The following PCDH15 variants were observed in gnomAD, a reference collection of about 807,000 sequenced individuals.
The protein encoded by PCDH15 is protocadherin related 15.
In PCDH15, 129 loss-of-function variants were observed where a neutral mutation model predicts 178.5. The observed-to-expected ratio is 0.72, with a 90% confidence interval of 0.63 to 0.84. PCDH15 has a LOEUF of 0.84. Among genes scored for constraint, PCDH15 ranks in the 40% least tolerant of loss-of-function variants. The pLI is 0.00. For missense variants in PCDH15, 2,230 were observed against 2,099.9 expected (o/e 1.06, Z -1.21); for synonymous variants, 800 against 732.0 (o/e 1.09, Z -1.50).
chr10:55,026,278 G>T (rs1395578954), intron 2 of PCDH15, among the ~76,000 whole-genome samples: 1 of 151,898 alleles, frequency 6.6e-6, no homozygotes, highest in Non-Finnish European at 1.5e-5. Context: ...ATGACATTAG[G>T]TACCAATATT....
chr10:55,029,947 C>T (rs1471914134), intron 2 of PCDH15, among the ~76,000 whole-genome samples: 4 of 152,052 alleles, frequency 2.6e-5, no homozygotes. Flanking sequence ...AGAGTGATGA[C>T]GTGGTCCCAC....
intron 20 of PCDH15, among the ~76,000 whole-genome samples, chr10:54,014,484 A>G (rs2092683375): frequency 1.3e-5 from 2 of 152,194 alleles, no homozygotes; most frequent in South Asian, 4.1e-4. Flanking sequence ...CTTCAGGCCA[A>G]TATCTTTGAT....
intron 2 of PCDH15, among the ~76,000 whole-genome samples, chr10:54,572,778 C>T (rs866955485): frequency 6.6e-6 from 1 of 151,652 alleles, no homozygotes; most frequent in Middle Eastern, 3.4e-3. Context: ...TTGAAAATTC[C>T]CAAGGAAGAA....
chr10:55,542,240 C>A (rs559590012), intron 2 of PCDH15, among the ~76,000 whole-genome samples: 1 of 150,342 alleles, frequency 6.7e-6, no homozygotes, highest in African/African-American at 2.4e-5. Context: ...ACAGTATATG[C>A]CTGTATGTGT....
intron 3 of PCDH15, among the ~76,000 whole-genome samples, chr10:54,464,697 A>G (rs990610234): frequency 1.3e-5 from 2 of 152,194 alleles, no homozygotes; most frequent in African/African-American, 2.4e-5. Flanking sequence ...AGCCTCTTAA[A>G]CAGTGCTCCA....
intron 1 of PCDH15, among the ~76,000 whole-genome samples, chr10:54,681,892 T>C (rs2094907478): frequency 6.6e-6 from 1 of 152,230 alleles, no homozygotes; most frequent in East Asian, 1.9e-4. Context: ...GAAAAGTCCT[T>C]TCTTAGGTTG....
Position 55,301,268 on chromosome 10 carries a change from G to T in PCDH15, c.-156+18331C>A, listed in dbSNP as rs35392791. On this transcript the variant is annotated intron_variant, in intron 1 of 5. Transcript: ENST00000458638. ...TTTCTCTGAATCCTTCCCAGTGTTT[G>T]CTGTTATAATTGTTACTTATTGTAT... Among the ~76,000 whole-genome samples, 1,427 of 152,176 alleles carry T rather than the reference G, an allele frequency of 9.4e-3. 13 individuals carry two copies. The highest frequency in any genetic ancestry group is 0.011 in the Non-Finnish European group (715 of 67,966).
At chr10:54,720,008 C>A (rs979180080) in intron 1 of PCDH15, among the ~76,000 whole-genome samples, 1 of 151,828 alleles carries the variant, frequency 6.6e-6, no homozygotes, top group Non-Finnish European at 1.5e-5. Context: ...CATCTCACAC[C>A]AGTCAGAGTG....
At chr10:55,194,587 C>A (rs907639544) in intron 1 of PCDH15, among the ~76,000 whole-genome samples, 1 of 152,008 alleles carries the variant, frequency 6.6e-6, no homozygotes, top group Non-Finnish European at 1.5e-5. Context: ...AGCAAGGATA[C>A]TTGCTCTTTC....
intron 2 of PCDH15, among the ~76,000 whole-genome samples, chr10:55,611,489 AG>A: frequency 6.6e-6 from 1 of 152,228 alleles, no homozygotes; most frequent in African/African-American, 2.4e-5. Flanking sequence ...GCTATTACAA[AG>A]AAAAATGAAA....
intron 15 of PCDH15, among the ~76,000 whole-genome samples, chr10:54,093,610 T>TA (rs1237153443): frequency 6.6e-6 from 1 of 152,186 alleles, no homozygotes; most frequent in Non-Finnish European, 1.5e-5. Flanking sequence ...CAGCAATATT[T>TA]AAATGTTTTC....
chr10:54,804,298 C>A (rs2133720449), upstream of PCDH15, among the ~76,000 whole-genome samples: 1 of 152,320 alleles, frequency 6.6e-6, no homozygotes, highest in South Asian at 2.1e-4. Flanking sequence ...CTCGGCCTCC[C>A]AAAGTGCTGG....
intron 2 of PCDH15, among the ~76,000 whole-genome samples, chr10:55,346,606 A>G (rs1475630226): frequency 6.6e-6 from 1 of 152,154 alleles, no homozygotes; most frequent in East Asian, 1.9e-4. Context: ...TGAATGCAAA[A>G]AGCAAAACAA....
intron 2 of PCDH15, among the ~76,000 whole-genome samples, chr10:55,010,219 T>C (rs1840019141): frequency 6.6e-6 from 1 of 151,972 alleles, no homozygotes; most frequent in Non-Finnish European, 1.5e-5. Flanking sequence ...AAATAATAAA[T>C]AAATAAATAA....
At chr10:55,147,560 A>G (rs1838557309) in intron 2 of PCDH15, among the ~76,000 whole-genome samples, 1 of 151,240 alleles carries the variant, frequency 6.6e-6, no homozygotes, top group South Asian at 2.1e-4. Flanking sequence ...GGTTCAAATA[A>G]GTTCATATAT....
intron 2 of PCDH15, among the ~76,000 whole-genome samples, chr10:55,038,539 AT>A (rs2131974206): frequency 6.6e-6 from 1 of 152,356 alleles, no homozygotes; most frequent in East Asian, 1.9e-4. Flanking sequence ...AAAAAGCAGA[AT>A]TTAACTCTTT....
At chr10:55,514,987 A>ATT (rs35469059) in intron 2 of PCDH15, among the ~76,000 whole-genome samples, 37,363 of 120,082 alleles carry the variant, frequency 0.31, 6,472 homozygotes, top group East Asian at 0.41. Flanking sequence ...AGATAGATAG[A>ATT]TTTTTTTTTT....
chr10:55,047,262 C>T (rs952639797), intron 2 of PCDH15, among the ~76,000 whole-genome samples: 1 of 151,704 alleles, frequency 6.6e-6, no homozygotes, highest in Admixed American at 6.6e-5. Context: ...GAGAAACAGA[C>T]ATAAATACAA....
chr10:55,020,289 C>T (rs1591839293), intron 2 of PCDH15, among the ~76,000 whole-genome samples: 1 of 151,174 alleles, frequency 6.6e-6, no homozygotes, highest in East Asian at 1.9e-4. Flanking sequence ...CTACAAATAG[C>T]TGATGAGGGG....
Sources: allele counts gnomAD v4.1 joint callset (sites outside exome capture counted in the v4.1 genomes callset), GRCh38; gene constraint gnomAD v4.1.1; transcripts MANE v1.5; gene names NCBI Gene and HGNC (gene_info 2026-07-23, HGNC 2026-07-21).